TENM1: variants seen among roughly 807,000 people sequenced by gnomAD.
TENM1 encodes the protein teneurin-1.
A neutral mutation model predicts 174.8 loss-of-function variants in TENM1; 35 were observed. The observed-to-expected ratio is 0.20, with a 90% CI of 0.15 to 0.27. TENM1 has a LOEUF of 0.27. Ranked by LOEUF, TENM1 falls within the 10% of genes least tolerant of loss-of-function variation. The pLI is 1.00. For missense variants in TENM1, 1,633 were observed against 2,130.1 expected, an observed-to-expected ratio of 0.77 and a Z score of 4.59; for synonymous variants, 781 against 798.7, an observed-to-expected ratio of 0.98 and a Z score of 0.37.
chrX:124,495,775 G>A lies in TENM1; in HGVS notation c.3695+1241C>T, dbSNP rs1214066815. On this transcript the variant is annotated intron_variant, in intron 20 of 31. Coordinates refer to ENST00000422452, the Ensembl canonical transcript of TENM1. ...CTCATGGGTAGGAAGAATCAATATC[G>A]TGAAAATGGCCATACTGCCCAAGGT... Among the ~76,000 whole-genome samples the A allele has an allele frequency of 5.9e-5, 6 of 101,440 alleles. No homozygotes were observed. The South Asian group carries it at 1.9e-3, about 32-fold the overall frequency. The allele number at this position is 101,440 out of a possible 115,157, so 88.1% of individuals were successfully genotyped here. A position where few individuals can be genotyped will look rare whatever the true frequency, so the allele number is the denominator to read the frequency against.
At chrX:124,979,570 C>G in the TENM1 span, among the ~76,000 whole-genome samples, 3 of 111,028 alleles carry the variant, frequency 2.7e-5, no homozygotes, top group African/African-American at 9.8e-5. Context: ...CATGTGACTT[C>G]TAGAAAATTT....
At chrX:125,155,595 C>G in the TENM1 span, among the ~76,000 whole-genome samples, 1 of 112,144 alleles carries the variant, frequency 8.9e-6, no homozygotes, top group African/African-American at 3.2e-5. Flanking sequence ...TCAGGCATGG[C>G]GGGCTGCAGG....
At chrX:124,613,323 A>G (rs937644879) in intron 11 of TENM1, among the ~76,000 whole-genome samples, 12 of 111,634 alleles carry the variant, frequency 1.1e-4, no homozygotes, top group Non-Finnish European at 1.9e-4. Context: ...TGAGGTTGTG[A>G]AAATCCAGGA....
intron 22 of TENM1, among the ~76,000 whole-genome samples, chrX:124,468,783 A>G (rs1479031096): frequency 8.9e-6 from 1 of 112,205 alleles, no homozygotes; most frequent in African/African-American, 3.2e-5. Context: ...ATTGTTATGT[A>G]TATTTTACCA....
intron 1 of TENM1, 99 bp from the exon 5 acceptor site, chrX:124,896,340 G>A: frequency 3.3e-6 from 3 of 919,730 alleles, no homozygotes; most frequent in Non-Finnish European, 4.5e-6. Flanking sequence ...CCCATTGGTA[G>A]TAATTACGTG....
rs564025874 is a variant in TENM1 at position 124,614,638 on chromosome X, G to C, written c.2077+27153C>G. On this transcript the variant is annotated intron_variant, in intron 11 of 31. Coordinates refer to ENST00000422452, the Ensembl canonical transcript of TENM1. ...TGGCTCACGCCTGTAATCCCAGCAA[G>C]TTGGGAGGCCTAGGCGGGCAGATCA... is the stretch of plus-strand genomic sequence containing the variant. Among the ~76,000 whole-genome samples the C allele has an allele frequency of 1.2e-4, 13 of 112,115 alleles. No homozygotes were observed. The South Asian group carries it at 4.8e-3, about 41-fold the overall frequency.
the TENM1 span, among the ~76,000 whole-genome samples, chrX:125,056,151 A>AAGATTTACCAC: frequency 6.0e-3 from 666 of 111,313 alleles, 5 homozygotes; most frequent in African/African-American, 0.02. Flanking sequence ...AAAACTTGGC[A>AAGATTTACCAC]AGATTATTAT....
chrX:124,638,002 T>C, intron 11 of TENM1, among the ~76,000 whole-genome samples: 1 of 112,513 alleles, frequency 8.9e-6, no homozygotes, highest in East Asian at 2.8e-4. Flanking sequence ...CTGAGATGGA[T>C]GGAAGAGGAA....
chrX:125,085,617 A>G, the TENM1 span, among the ~76,000 whole-genome samples: 1 of 111,366 alleles, frequency 9.0e-6, no homozygotes, highest in African/African-American at 3.2e-5. Flanking sequence ...ATCTGCTTTT[A>G]ACTTGTATTT....
In TENM1 at chrX:124,381,211, G is replaced by A. The variant is rs199923383; in HGVS notation, c.7524C>T (p.Tyr2508=). 1.2e-5 allele frequency: 14 copies of A among 1,205,129 alleles called. No individual in the cohort carries two copies. In the African/African-American group the frequency reaches 2.4e-4, roughly 21 times the overall value. ...CTCCTTCAAGGCACCGTCCATCATT[G>A]TATCGGGGAGTCATAGGTAGTTGGT... Residue 2508 remains tyrosine, a synonymous_variant, in exon 32 of 32, where the codon TAC becomes TAT. Transcript: ENST00000422452.
intron 11 of TENM1, among the ~76,000 whole-genome samples, chrX:124,616,573 C>T (rs761002607): frequency 8.9e-6 from 1 of 112,260 alleles, no homozygotes; most frequent in African/African-American, 3.2e-5. Flanking sequence ...TGTCCTCTTA[C>T]AGAGCTTTAA....
intron 11 of TENM1, among the ~76,000 whole-genome samples, chrX:124,582,053 T>C (rs1018311755): frequency 9.0e-6 from 1 of 110,965 alleles, no homozygotes; most frequent in Non-Finnish European, 1.9e-5. Context: ...CACACCCCAA[T>C]AGTCCCCAGT....
intron 14 of TENM1, 74 bp downstream of exon 17, chrX:124,561,597 T>C (rs2048820121): frequency 1.8e-6 from 2 of 1,136,402 alleles, no homozygotes; most frequent in Admixed American, 2.3e-5. Context: ...TTTTCACCCT[T>C]GGCCAGGTTG....
intron 3 of TENM1, among the ~76,000 whole-genome samples, chrX:124,872,202 T>C (rs1404514310): frequency 1.8e-5 from 2 of 110,752 alleles, no homozygotes; most frequent in Non-Finnish European, 3.8e-5. Context: ...CTTAGTTTTA[T>C]ACTAATTTTG....
chrX:124,662,408 C>T (rs370278326), intron 6 of TENM1, among the ~76,000 whole-genome samples: 1 of 100,842 alleles, frequency 9.9e-6, no homozygotes, highest in Non-Finnish European at 2.0e-5. Flanking sequence ...GAACCAAGAT[C>T]GCGCCATTGC....
chrX:124,471,812 C>T (rs1330159056), intron 22 of TENM1, among the ~76,000 whole-genome samples: 1 of 94,877 alleles, frequency 1.1e-5, no homozygotes, highest in Admixed American at 1.3e-4. Context: ...TATATATTAC[C>T]CTTACACCCT....
At chrX:124,948,025 C>T (rs1358104918) in intron 1 of TENM1, among the ~76,000 whole-genome samples, 2 of 111,870 alleles carry the variant, frequency 1.8e-5, no homozygotes, top group South Asian at 3.7e-4. Flanking sequence ...ATAGAATCTG[C>T]CTCCCATAAT....
chrX:124,511,945 C>T (rs777647140), intron 18 of TENM1, among the ~76,000 whole-genome samples: 135 of 111,826 alleles, frequency 1.2e-3, no homozygotes, highest in African/African-American at 4.1e-3. Context: ...CACCATTCTT[C>T]GTTGCCAAAC....
chrX:124,815,293 T>C (rs907421933), intron 3 of TENM1, among the ~76,000 whole-genome samples: 10 of 111,922 alleles, frequency 8.9e-5, no homozygotes, highest in African/African-American at 2.3e-4. Context: ...TGTAGCTCAA[T>C]TGCAAACATA....
Sources: gnomAD v4.1 joint callset for allele counts (sites outside exome capture counted in the v4.1 genomes callset) on GRCh38, gnomAD v4.1.1 for gene constraint, MANE v1.5 for transcripts, NCBI Gene and HGNC (gene_info 2026-07-23, HGNC 2026-07-21) for gene names.